Variants in KAT2A observed in about 807,000 individuals in gnomAD.
KAT2A encodes the protein histone acetyltransferase KAT2A.
Under a neutral mutation model 95.2 loss-of-function variants are expected in KAT2A, and 42 were observed. The ratio of observed to expected loss-of-function variants is 0.44; its 90% CI spans 0.34 to 0.57. KAT2A has a LOEUF of 0.57. KAT2A is among the 20% of genes least tolerant of loss of function. The pLI is 0.01. For missense variants in KAT2A, 784 were observed against 1,126.3 expected (o/e 0.70, Z 4.35); for synonymous variants, 449 against 448.2 (o/e 1.00, Z -0.02).
Position 42,119,657 on chromosome 17 carries a change from A to G in KAT2A, c.761T>C (p.Met254Thr), listed in dbSNP as rs1555666875. 2 of 1,613,860 alleles carry G rather than the reference A, an allele frequency of 1.2e-6. No individual in the cohort carries two copies. The highest frequency in any genetic ancestry group is 1.7e-6 in the Non-Finnish European group (2 of 1,179,902). ...SHLAPRERQTMFELSKMFLLC... is the reference protein window; with the variant it reads ...SHLAPRERQTTFELSKMFLLC... ...CAAGAACATCTTTGAGAGCTCGAAC[A>G]TCGTCTGCCGCTCCCGGGGAGCCAG... Residue 254 changes from methionine (M) to threonine (T), a missense_variant, in exon 5 of 18, where the codon ATG (methionine) becomes ACG (threonine). Around this residue, in one of 6 missense-constraint regions of KAT2A, gnomAD observed 208 missense variants for 339.7 expected, o/e 0.61. Transcript: ENST00000225916. The surrounding 1 kb of genome is among the most constrained non-coding windows in gnomAD (Gnocchi z 5.3).
In KAT2A at chr17:42,121,348, G is replaced by T; in HGVS notation, c.-44C>A. ...GAGCGGCGCCGCGCTCCCAGCCCTA[G>T]GGCCGCATGGGCAACCAGCGCTCAG... On this transcript the variant is annotated 5_prime_UTR_variant, in exon 1 of 18. Transcript: ENST00000225916. 1 of 1,353,212 alleles carries T rather than the reference G, an allele frequency of 7.4e-7. No homozygotes were observed. Among genetic ancestry groups the T allele is most frequent in the Admixed American group, 3.8e-5 (1 of 26,568 alleles). The allele number at this position is 1,353,212 out of a possible 1,614,324, so 83.8% of individuals were successfully genotyped here.
In KAT2A at chr17:42,117,619, G is replaced by A. The variant is rs369605791; in HGVS notation, c.1429-23C>T. 1.2e-4 allele frequency: 200 copies of A among 1,607,888 alleles called. 1 individual carries two copies. The highest frequency in any genetic ancestry group is 1.1e-3 in the African/African-American group (81 of 74,956). On this transcript the variant is annotated intron_variant, in intron 9 of 17. Coordinates refer to ENST00000225916, the MANE Select transcript of KAT2A (RefSeq NM_021078.3). The surrounding 1 kb of genome is among the most constrained non-coding windows in gnomAD (Gnocchi z 8.9). The stretch of plus-strand genomic sequence containing the variant: ...CGTCTGGGCACAGAAGAGGGGTGGT[G>A]AGCCGGGGTCTCAGGTTGGTGGGGG...
Position 42,117,795 on chromosome 17 carries a change from TG to T in KAT2A, c.1310del (p.Pro437GlnfsTer4). On this transcript the variant is annotated frameshift_variant, in exon 9 of 18. Coordinates refer to ENST00000225916, the MANE Select transcript of KAT2A (RefSeq NM_021078.3). LOFTEE classifies it high-confidence loss of function. This position sits in a 1 kb window ranked among gnomAD's most constrained non-coding sequence, Gnocchi z 8.9. The part of the protein sequence containing the change: ...EPMPGEKRTL[P>X]ENLTLEDAKR... ...TGGCATCCTCCAGGGTCAGGTTCTC[TG>T]GGAGCGTCCTCTTCTCGCCTATTGG... 1 of 1,613,970 alleles carries T rather than the reference TG, an allele frequency of 6.2e-7. No individual in the cohort carries two copies. The highest frequency in any genetic ancestry group is 8.5e-7 in the Non-Finnish European group (1 of 1,179,892).
At chr17:42,115,197 G>T (rs2054237998) in intron 12 of KAT2A, among the ~76,000 whole-genome samples, 162 bp from the exon 13 acceptor site, 2 of 152,158 alleles carry the variant, frequency 1.3e-5, no homozygotes, top group East Asian at 3.9e-4. Context: ...CCCTGGAAAG[G>T]TCCCAGGTCA....
At position 42,117,047 on chromosome 17, in the gene KAT2A, A is replaced by G; in HGVS notation, c.1752T>C (p.Asn584=). Residue 584 remains asparagine (N), a synonymous_variant, in exon 11 of 18, where the codon AAT becomes AAC. Coordinates refer to ENST00000225916, the MANE Select transcript of KAT2A (RefSeq NM_021078.3). The surrounding 1 kb of genome is among the most constrained non-coding windows in gnomAD (Gnocchi z 8.9). ...TEIVFCAVTS[N]EQVKGYGTHL... The stretch of plus-strand genomic sequence containing the variant: ...GAGCCGCGCTCACCTTGACCTGCTC[A>G]TTCGAGGTGACAGCACAGAAGACAA... The G allele has an allele frequency of 1.2e-6, 2 of 1,614,098 alleles. No individual in the cohort carries two copies. The highest frequency in any genetic ancestry group is 1.7e-6 in the Non-Finnish European group (2 of 1,180,006).
In KAT2A at chr17:42,114,252, G is replaced by A. The variant is rs782662947; in HGVS notation, c.2202C>T (p.Tyr734=). 2 of 1,607,942 alleles carry A rather than the reference G, an allele frequency of 1.2e-6. No homozygotes were observed. The highest frequency in any genetic ancestry group is 1.3e-5 in the African/African-American group (1 of 74,730). The change falls in exon 16 of 18, where the codon TAC becomes TAT. Residue 734 remains tyrosine, a synonymous_variant. Coordinates refer to ENST00000225916, the MANE Select transcript of KAT2A (RefSeq NM_021078.3). The surrounding 1 kb of genome is among the most constrained non-coding windows in gnomAD (Gnocchi z 6.0). ...GGGCCAGCAGGTTTTTGAGGGTTGT[G>A]TAGAGCTGGTCGGGGTCCTTCAGCT... ...GKELKDPDQL[Y]TTLKNLLAQI...
chr17:42,116,957 C>T, intron 11 of KAT2A, 78 bp downstream of exon 11: 2 of 1,553,494 alleles, frequency 1.3e-6, no homozygotes, highest in South Asian at 2.2e-5. Context: ...CTGCATGCCA[C>T]ACATCCTGCT....
rs782766835 is a variant in KAT2A, at chr17:42,113,638, CAAAGAT to C, written c.*5_*10del. The C allele has an allele frequency of 3.7e-6, 6 of 1,602,578 alleles. No individual in the cohort carries two copies. Among genetic ancestry groups the C allele is most frequent in the Non-Finnish European group, 5.1e-6 (6 of 1,176,838 alleles). On this transcript the variant is annotated 3_prime_UTR_variant, in exon 18 of 18. Coordinates refer to ENST00000225916, the MANE Select transcript of KAT2A (RefSeq NM_021078.3). ...GACATTCCAGGTCAGGGCTGCGGCC[CAAAGAT>C]GGGCCTACTTGTCAATGAGGCCTCC...
At position 42,117,975 on chromosome 17, in the gene KAT2A, C is replaced by A; in HGVS notation, c.1223G>T (p.Ser408Ile). 1 of 1,607,960 alleles carries A rather than the reference C, an allele frequency of 6.2e-7. No homozygotes were observed. Among genetic ancestry groups the A allele is most frequent in the Non-Finnish European group, 8.5e-7 (1 of 1,176,124 alleles). Reference sequence around the variant, plus strand: ...GTTGCTGCCCCCACCCATGCTGGGGCTGAAGATGGGGGTGCTGGGAACAAC... The same window carrying A: ...GTTGCTGCCCCCACCCATGCTGGGGATGAAGATGGGGGTGCTGGGAACAAC... ...AAVVPSTPIF[S>I]PSMGGGSNSS... is the part of the protein sequence containing the mutation. The change falls in exon 8 of 18, where the codon AGC (serine) becomes ATC (isoleucine). Residue 408 changes from serine (S) to isoleucine (I), a missense_variant. By Grantham distance (142) the Ser-to-Ile change is moderately radical. Transcript: ENST00000225916. This position sits in a 1 kb window ranked among gnomAD's most constrained non-coding sequence, Gnocchi z 8.9.
Position 42,119,931 on chromosome 17 carries a change from C to T in KAT2A, c.699+99G>A. On this transcript the variant is annotated intron_variant, in intron 4 of 17. Transcript: ENST00000225916. The surrounding 1 kb of genome is among the most constrained non-coding windows in gnomAD (Gnocchi z 5.3). ...ACACCCTTCCTTCTCTGAACCTCCC[C>T]AGTGTTCTCAGCTTGAGGAGAATGG... 1.7e-6 allele frequency: 2 copies of T among 1,191,874 alleles called. No individual in the cohort carries two copies. The highest frequency in any genetic ancestry group is 2.5e-6 in the Non-Finnish European group (2 of 804,756). The allele number at this position is 1,191,874 out of a possible 1,614,324, so 73.8% of individuals were successfully genotyped here. A position where few individuals can be genotyped will look rare whatever the true frequency, so the allele number is the denominator to read the frequency against.
intron 11 of KAT2A, among the ~76,000 whole-genome samples, 196 bp downstream of exon 11, chr17:42,116,839 C>A (rs372787578): frequency 6.6e-6 from 1 of 152,252 alleles, no homozygotes; most frequent in Non-Finnish European, 1.5e-5. Flanking sequence ...GCTGCTTGGG[C>A]TCCGTCTGTC....
In KAT2A at chr17:42,113,987, G is replaced by T; in HGVS notation, c.2320+13C>A. The stretch of plus-strand genomic sequence containing the variant: ...AGAAGAGGAGGGAAGGGGATGGAAT[G>T]GAAGGTCCTCACCAATGGGGAAGCG... On this transcript the variant is annotated intron_variant, in intron 17 of 17. Coordinates refer to ENST00000225916, the MANE Select transcript of KAT2A (RefSeq NM_021078.3). 6.6e-7 allele frequency: 1 copy of T among 1,507,894 alleles called. No homozygotes were observed. Among genetic ancestry groups the T allele is most frequent in the South Asian group, 1.3e-5 (1 of 77,912 alleles). The allele number at this position is 1,507,894 out of a possible 1,614,324, so 93.4% of individuals were successfully genotyped here.
chr17:42,121,321 G>T lies in KAT2A; in HGVS notation c.-17C>A. ...TTCCGCCATGGCCTCCCCCGCAGCGGAGAGCGGCGCCGCGCTCCCAGCCCT... is the reference window on the plus strand; with the variant it reads ...TTCCGCCATGGCCTCCCCCGCAGCGTAGAGCGGCGCCGCGCTCCCAGCCCT... On this transcript the variant is annotated 5_prime_UTR_variant, in exon 1 of 18. Transcript: ENST00000225916. 7.3e-7 allele frequency: 1 copy of T among 1,366,038 alleles called. No homozygotes were observed. Among genetic ancestry groups the T allele is most frequent in the Non-Finnish European group, 9.4e-7 (1 of 1,067,168 alleles). 84.6% of individuals were successfully genotyped at this position (1,366,038 alleles called of 1,614,324 possible). A position where few individuals can be genotyped will look rare whatever the true frequency, so the allele number is the denominator to read the frequency against.
Position 42,120,810 on chromosome 17 carries a change from C to T in KAT2A, c.359G>A (p.Cys120Tyr). ...GGGCTTGGGGTTTTTCCAGCCATTA[C>T]ACTTACAGGTTTCATTGGCCTGGAG... ...SACKANETCK[C>Y]NGWKNPKPPT... is the part of the protein sequence containing the mutation. The change falls in exon 2 of 18, where the codon TGT becomes TAT. Residue 120 changes from cysteine to tyrosine, a missense_variant. By Grantham distance (194) the Cys-to-Tyr change is radical. Transcript: ENST00000225916. 6.2e-7 allele frequency: 1 copy of T among 1,612,560 alleles called. No homozygotes were observed. The highest frequency in any genetic ancestry group is 8.5e-7 in the Non-Finnish European group (1 of 1,179,210).
At position 42,114,135 on chromosome 17, in the gene KAT2A, C is replaced by T. The variant is rs782540098; in HGVS notation, c.2236-51G>A. 15 of 1,574,520 alleles carry T rather than the reference C, an allele frequency of 9.5e-6. No homozygotes were observed. The highest frequency in any genetic ancestry group is 1.4e-5 in the African/African-American group (1 of 72,454). ...CAGCCCTGCTGCGCCCACGCCAGCC[C>T]GAGACCACTACCCACCCCACACTGC... On this transcript the variant is annotated intron_variant, in intron 16 of 17. Coordinates refer to ENST00000225916, the MANE Select transcript of KAT2A (RefSeq NM_021078.3). The surrounding 1 kb of genome is among the most constrained non-coding windows in gnomAD (Gnocchi z 6.0).
chr17:42,121,022 G>T lies in KAT2A; in HGVS notation c.283C>A (p.Arg95=). 2 of 1,594,658 alleles carry T rather than the reference G, an allele frequency of 1.3e-6. No homozygotes were observed. The highest frequency in any genetic ancestry group is 2.3e-5 in the South Asian group (2 of 87,992). The change falls in exon 1 of 18, where the codon CGG becomes AGG. Residue 95 remains arginine, a synonymous_variant. Transcript: ENST00000225916. The part of the protein sequence containing the change: ...QRASQRKAQV[R]GLPRAKKLEK... ...AGCTTCTTGGCGCGCGGCAGCCCCC[G>T]GACTTGCGCCTTCCTCTGACTGGCG... is the stretch of plus-strand genomic sequence containing the variant.
chr17:42,118,162 C>CT, intron 7 of KAT2A, 135 bp downstream of exon 7: 1 of 791,722 alleles, frequency 1.3e-6, no homozygotes, highest in Non-Finnish European at 2.1e-6. Flanking sequence ...AAGGCAGGGA[C>CT]TGGGGGGGCT....
In KAT2A at chr17:42,115,726, CT is replaced by C; in HGVS notation, c.1871del (p.Lys624SerfsTer27). ...GTGGGACGAGGCTACGGGTCACCTG[CT>C]TTTTGAAGTAGCCGATGGCGTACTC... ...ADEYAIGYFK[K>X]QGFSKDIKVP... On this transcript the variant is annotated frameshift_variant, in exon 12 of 18. Transcript: ENST00000225916. LOFTEE classifies it high-confidence loss of function. 6.2e-7 allele frequency: 1 copy of C among 1,605,868 alleles called. No individual in the cohort carries two copies. Among genetic ancestry groups the C allele is most frequent in the Non-Finnish European group, 8.5e-7 (1 of 1,172,520 alleles).
At position 42,120,358 on chromosome 17, in the gene KAT2A, G is replaced by A; in HGVS notation, c.476C>T (p.Ser159Phe). The change falls in exon 3 of 18, where the codon TCC becomes TTC. Residue 159 changes from serine (S) to phenylalanine (F), a missense_variant. By Grantham distance (155) the Ser-to-Phe change is radical (BLOSUM62 -2). Transcript: ENST00000225916. The stretch of plus-strand genomic sequence containing the variant: ...ATCCTCTGACACATTCTCCAAGTGG[G>A]ATACGTGGTCAGCTGCAAGACAGAT... Reference protein sequence around the residue: ...SCEHPLADHVSHLENVSEDEI... With the variant: ...SCEHPLADHVFHLENVSEDEI... 1 of 1,614,232 alleles carries A rather than the reference G, an allele frequency of 6.2e-7. No individual in the cohort carries two copies. The highest frequency in any genetic ancestry group is 8.5e-7 in the Non-Finnish European group (1 of 1,180,032).
Sources: gnomAD v4.1 joint callset for allele counts (sites outside exome capture counted in the v4.1 genomes callset) on GRCh38, gnomAD v4.1.1 for gene constraint, gnomAD v4.1.1 regional missense constraint, Gnocchi (gnomAD v3.1) non-coding constraint, MANE v1.5 for transcripts, NCBI Gene and HGNC (gene_info 2026-07-23, HGNC 2026-07-21) for gene names.